The following LIMK2 variants were observed in gnomAD, a reference collection of about 807,000 sequenced individuals.
The protein encoded by LIMK2 is LIM domain kinase 2.
LIMK2 carries 35 observed loss-of-function variants against 75.7 expected under a neutral mutation model. The observed-to-expected ratio is 0.46, with a 90% CI of 0.35 to 0.61. The LOEUF is 0.61. LIMK2 is among the 20% of genes least tolerant of loss of function. LIMK2 has a pLI of 0.00. For missense variants in LIMK2, 623 were observed against 831.0 expected (o/e 0.75, Z 3.08); for synonymous variants, 301 against 319.2 (o/e 0.94, Z 0.61).
Position 31,262,567 on chromosome 22 carries a change from G to A in LIMK2, c.658-28G>A, listed in dbSNP as rs377540000. ...GGTGGCCTGGGATGGGGCAGCCTGT[G>A]GGAGCTTTATACTGCTCTTGGCCAC... On this transcript the variant is annotated intron_variant, in intron 6 of 15. Coordinates refer to ENST00000331728, the MANE Select transcript of LIMK2 (RefSeq NM_005569.4). The surrounding 1 kb of genome is among the most constrained non-coding windows in gnomAD (Gnocchi z 5.0). 2.4e-4 allele frequency: 381 copies of A among 1,586,966 alleles called. 2 individuals are homozygous for A. The South Asian group carries it at 4.0e-3, about 17-fold the overall frequency.
chr22:31,228,021 C>CGTGTGTGTGTGTGTGTGT lies in LIMK2; in HGVS notation c.116+2214_116+2231dup, dbSNP rs66641491. The stretch of plus-strand genomic sequence containing the variant: ...TGCTAGCTTGTTAGCTCTGTGCGTG[C>CGTGTGTGTGTGTGTGTGT]GTGTGTGTGTGTGTGTGTGTGTGTG... On this transcript the variant is annotated intron_variant, in intron 2 of 15. Transcript: ENST00000331728. Among the ~76,000 whole-genome samples the CGTGTGTGTGTGTGTGTGT allele has an allele frequency of 2.0e-5, 3 of 147,632 alleles. No homozygotes were observed. The South Asian group carries it at 6.4e-4, about 32-fold the overall frequency.
intron 15 of LIMK2, among the ~76,000 whole-genome samples, chr22:31,276,629 C>A (rs1422055441): frequency 6.8e-6 from 1 of 146,310 alleles, no homozygotes; most frequent in African/African-American, 2.4e-5. Flanking sequence ...AGCCGGCGGG[C>A]GTCACGGAGG....
intron 2 of LIMK2, among the ~76,000 whole-genome samples, chr22:31,240,096 C>T (rs2048612030): frequency 6.6e-6 from 1 of 152,176 alleles, no homozygotes. Context: ...GCTAGAGTCC[C>T]TTCTCCCATG....
intron 2 of LIMK2, among the ~76,000 whole-genome samples, chr22:31,236,338 G>C (rs1039216707): frequency 6.1e-5 from 9 of 147,684 alleles, no homozygotes; most frequent in African/African-American, 2.0e-4. Context: ...GCTGGGTGCA[G>C]GGCTTACACT....
rs919141398 is a variant in LIMK2 at position 31,279,546 on chromosome 22, C to G, written c.*1105C>G. ...AGCTGGGCCATCTGACTTCTACCTCCCATGTTTGCTCTCCCAACTCATTAG... is the reference window on the plus strand; with the variant it reads ...AGCTGGGCCATCTGACTTCTACCTCGCATGTTTGCTCTCCCAACTCATTAG... On this transcript the variant is annotated 3_prime_UTR_variant, in exon 16 of 16. Transcript: ENST00000331728. 3.9e-5 allele frequency: 6 copies of G among 152,200 alleles called. No homozygotes were observed. The highest frequency in any genetic ancestry group is 3.9e-4 in the Admixed American group (6 of 15,276). The allele number at this position is 152,200 out of a possible 1,614,324, so 9.4% of individuals were successfully genotyped here.
chr22:31,225,756 A>G lies in LIMK2; in HGVS notation c.53A>G (p.His18Arg). 2 of 1,614,132 alleles carry G rather than the reference A, an allele frequency of 1.2e-6. No individual in the cohort carries two copies. Among genetic ancestry groups the G allele is most frequent in the Non-Finnish European group, 1.7e-6 (2 of 1,179,998 alleles). Reference protein sequence around the residue: ...DVWRCPGCGDHIAPSQIWYRT... With the variant: ...DVWRCPGCGDRIAPSQIWYRT... ...TGGAGGTGTCCAGGCTGTGGGGACC[A>G]CATTGCTCCAAGCCAGATATGGTAC... Residue 18 changes from histidine to arginine, a missense_variant, in exon 2 of 16, where the codon CAC becomes CGC. His to Arg is a conservative substitution (Grantham distance 29, BLOSUM62 0). Around this residue, in one of 3 missense-constraint regions of LIMK2, gnomAD observed 514 missense variants for 661.3 expected, o/e 0.78. Transcript: ENST00000331728.
At chr22:31,256,587 G>T (rs917807935) in intron 2 of LIMK2, among the ~76,000 whole-genome samples, 3 of 151,962 alleles carry the variant, frequency 2.0e-5, no homozygotes, top group Non-Finnish European at 4.4e-5. Context: ...TGATCCACCC[G>T]CCTCGGCCTC....
chr22:31,270,112 G>T (rs1187401547), intron 11 of LIMK2, among the ~76,000 whole-genome samples: 1 of 152,188 alleles, frequency 6.6e-6, no homozygotes, highest in Non-Finnish European at 1.5e-5. Context: ...GAACCTATCA[G>T]CATCTTCTGG....
intron 1 of LIMK2, chr22:31,222,962 G>A (rs2048449632): frequency 6.6e-6 from 1 of 152,200 alleles, no homozygotes; most frequent in Non-Finnish European, 1.5e-5. Context: ...CTTCTAAGAA[G>A]TAAGATGGAA....
intron 15 of LIMK2, among the ~76,000 whole-genome samples, chr22:31,277,996 G>C (rs940962662): frequency 6.6e-6 from 1 of 152,154 alleles, no homozygotes; most frequent in Non-Finnish European, 1.5e-5. Context: ...TAGGAGCCTG[G>C]TGTTTCCGAT....
At chr22:31,228,962 G>GAA (rs3216414) in intron 2 of LIMK2, among the ~76,000 whole-genome samples, 70 of 148,220 alleles carry the variant, frequency 4.7e-4, no homozygotes, top group East Asian at 1.4e-3. Flanking sequence ...CAAAACAAAT[G>GAA]AAAAAAAAAA....
At chr22:31,261,824 G>A (rs1360574937) in intron 5 of LIMK2, among the ~76,000 whole-genome samples, 1 of 152,198 alleles carries the variant, frequency 6.6e-6, no homozygotes, top group Non-Finnish European at 1.5e-5. Context: ...CCGTGATCCA[G>A]GTAAGAGATG....
intron 11 of LIMK2, among the ~76,000 whole-genome samples, 186 bp from the exon 12 acceptor site, chr22:31,270,950 G>T (rs2048950346): frequency 6.6e-6 from 1 of 152,220 alleles, no homozygotes; most frequent in South Asian, 2.1e-4. Flanking sequence ...AGCAGAGGAA[G>T]TCCAGGCTTC....
At chr22:31,222,463 C>T (rs1227730688) in intron 1 of LIMK2, among the ~76,000 whole-genome samples, 1 of 148,002 alleles carries the variant, frequency 6.8e-6, no homozygotes, top group African/African-American at 2.5e-5. Flanking sequence ...CAACCTCCAC[C>T]TCCTGGGTTC....
rs567250437 is a variant in LIMK2 at position 31,255,978 on chromosome 22, C to CTTTTTTTTTTTTTTTT, written c.117-2290_117-2275dup. ...ATACTGAGTTTCTACTATATTGGGT[C>CTTTTTTTTTTTTTTTT]TTTTTTTTTTTTTTTTTTTTTTTTT... On this transcript the variant is annotated intron_variant, in intron 2 of 15. Coordinates refer to ENST00000331728, the MANE Select transcript of LIMK2 (RefSeq NM_005569.4). 1.0e-4 allele frequency among the ~76,000 whole-genome samples: 3 copies of CTTTTTTTTTTTTTTTT among 29,682 alleles called. 1 individual carries two copies. The highest frequency in any genetic ancestry group is 3.6e-4 in the African/African-American group (3 of 8,404). 19.5% of individuals were successfully genotyped at this position (29,682 alleles called of 152,430 possible).
intron 2 of LIMK2, among the ~76,000 whole-genome samples, chr22:31,246,419 C>T (rs1341923839): frequency 6.6e-6 from 1 of 150,922 alleles, no homozygotes; most frequent in Non-Finnish European, 1.5e-5. Flanking sequence ...TCTGTTGGAA[C>T]ATAGCCATGT....
chr22:31,248,665 G>T (rs760500938), intron 2 of LIMK2: 19 of 1,613,838 alleles, frequency 1.2e-5, no homozygotes, highest in Admixed American at 3.3e-5. Context: ...CCGGCCTGAG[G>T]CAGTCACAGA....
intron 2 of LIMK2, among the ~76,000 whole-genome samples, chr22:31,236,651 C>T (rs1378575925): frequency 2.0e-5 from 3 of 150,738 alleles, no homozygotes; most frequent in Non-Finnish European, 2.9e-5. Context: ...CGTTTGCTCA[C>T]GCCAGTAATC....
intron 11 of LIMK2, among the ~76,000 whole-genome samples, chr22:31,270,057 G>A (rs1367136670): frequency 1.3e-5 from 2 of 152,132 alleles, no homozygotes; most frequent in Non-Finnish European, 2.9e-5. Flanking sequence ...TTGAGCAACT[G>A]GTTTGGGAAG....
Sources: gnomAD v4.1 joint callset for allele counts (sites outside exome capture counted in the v4.1 genomes callset) on GRCh38, gnomAD v4.1.1 for gene constraint, gnomAD v4.1.1 regional missense constraint, Gnocchi (gnomAD v3.1) non-coding constraint, MANE v1.5 for transcripts, NCBI Gene and HGNC (gene_info 2026-07-23, HGNC 2026-07-21) for gene names.